Variants in DLG2 observed in about 807,000 individuals in gnomAD.
The protein encoded by DLG2 is discs large MAGUK scaffold protein 2, also known as disks large homolog 2.
In DLG2, 45 loss-of-function variants were observed where a neutral mutation model predicts 132.5. The observed-to-expected ratio is 0.34, with a 90% confidence interval of 0.27 to 0.44. DLG2 has a LOEUF of 0.44. Ranked by LOEUF, DLG2 falls within the 20% of genes least tolerant of loss-of-function variation. The pLI, the probability that DLG2 is intolerant of heterozygous loss-of-function variation, is 1.00. For synonymous variants in DLG2, 424 were observed against 419.6 expected (o/e 1.01, Z -0.13); for missense variants, 1,045 against 1,196.9 (o/e 0.87, Z 1.87).
chr11:84,260,095 T>C (rs1317110910), intron 7 of DLG2, among the ~76,000 whole-genome samples: 1 of 152,118 alleles, frequency 6.6e-6, no homozygotes. Flanking sequence ...TAAATGAATA[T>C]CCTATGAATA....
intron 6 of DLG2, among the ~76,000 whole-genome samples, chr11:85,092,115 T>C (rs1230305102): frequency 6.6e-6 from 1 of 152,226 alleles, no homozygotes; most frequent in East Asian, 1.9e-4. Flanking sequence ...AGAACAGATA[T>C]TGCGTTAGTA....
At chr11:84,240,471 A>T (rs994627038) in intron 8 of DLG2, among the ~76,000 whole-genome samples, 1 of 152,112 alleles carries the variant, frequency 6.6e-6, no homozygotes, top group Non-Finnish European at 1.5e-5. Flanking sequence ...TAATTTTTTT[A>T]GTTATCCAGC....
chr11:84,912,675 T>C (rs2092182916), intron 6 of DLG2, among the ~76,000 whole-genome samples: 1 of 152,240 alleles, frequency 6.6e-6, no homozygotes, highest in Non-Finnish European at 1.5e-5. Context: ...CCAGGCTTTC[T>C]ACCAAACACC....
At chr11:84,183,281 T>C (rs1484422055) in intron 8 of DLG2, among the ~76,000 whole-genome samples, 1 of 152,230 alleles carries the variant, frequency 6.6e-6, no homozygotes, top group Non-Finnish European at 1.5e-5. Context: ...AAGTGAACTA[T>C]ACTGTTAACT....
intron 11 of DLG2, among the ~76,000 whole-genome samples, chr11:84,021,401 A>G (rs1437196708): frequency 6.6e-6 from 1 of 152,154 alleles, no homozygotes; most frequent in Non-Finnish European, 1.5e-5. Flanking sequence ...TCTCCCCAAA[A>G]GTTCATGTTT....
chr11:84,566,171 C>T (rs1466028713), intron 6 of DLG2, among the ~76,000 whole-genome samples: 1 of 151,946 alleles, frequency 6.6e-6, no homozygotes, highest in Non-Finnish European at 1.5e-5. Flanking sequence ...CCATGTTGGC[C>T]AGGCTGGTTT....
At chr11:83,848,391 C>G (rs2059053469) in intron 16 of DLG2, among the ~76,000 whole-genome samples, 1 of 152,144 alleles carries the variant, frequency 6.6e-6, no homozygotes, top group Non-Finnish European at 1.5e-5. Context: ...ATTCATATCT[C>G]TAGCTCAGAT....
chr11:84,069,573 ACT>A (rs1486372750), intron 10 of DLG2, among the ~76,000 whole-genome samples: 1 of 152,022 alleles, frequency 6.6e-6, no homozygotes, highest in Non-Finnish European at 1.5e-5. Flanking sequence ...CTCGTCTCTA[ACT>A]CTGAATGAGA....
chr11:84,354,653 C>T (rs182602706), intron 7 of DLG2, among the ~76,000 whole-genome samples: 2 of 152,188 alleles, frequency 1.3e-5, no homozygotes. Flanking sequence ...ACCTTAGAAC[C>T]ATCTGTCAAA....
chr11:84,783,537 T>C (rs187831198), intron 6 of DLG2, among the ~76,000 whole-genome samples: 162 of 152,312 alleles, frequency 1.1e-3, no homozygotes, highest in African/African-American at 3.8e-3. Flanking sequence ...GTGAGAATCA[T>C]TTCCTTCTCT....
intron 19 of DLG2, among the ~76,000 whole-genome samples, chr11:83,590,125 C>T (rs1243648870): frequency 2.8e-5 from 4 of 143,968 alleles, no homozygotes; most frequent in Admixed American, 1.4e-4. Flanking sequence ...GAACTCAGCT[C>T]TGCACCAAGC....
chr11:84,829,540 A>G (rs984684465), intron 6 of DLG2, among the ~76,000 whole-genome samples: 1 of 151,740 alleles, frequency 6.6e-6, no homozygotes, highest in African/African-American at 2.4e-5. Context: ...AGCGTAGTAA[A>G]GTGGAAAGAC....
At chr11:83,852,559 A>T (rs1410477817) in intron 16 of DLG2, among the ~76,000 whole-genome samples, 1 of 152,238 alleles carries the variant, frequency 6.6e-6, no homozygotes, top group East Asian at 1.9e-4. Context: ...ACTGAAATTC[A>T]TTTTCAAAGA....
At chr11:84,665,281 A>G (rs2099698701) in intron 6 of DLG2, among the ~76,000 whole-genome samples, 1 of 152,156 alleles carries the variant, frequency 6.6e-6, no homozygotes, top group Non-Finnish European at 1.5e-5. Context: ...AGTGCTATAT[A>G]TGTGTTAAAT....
At chr11:84,935,346 C>G (rs2048616816) in intron 6 of DLG2, among the ~76,000 whole-genome samples, 1 of 152,174 alleles carries the variant, frequency 6.6e-6, no homozygotes. Flanking sequence ...CTGTTCCTCA[C>G]AAGTTTGCTA....
intron 6 of DLG2, among the ~76,000 whole-genome samples, chr11:84,983,532 A>C (rs532812715): frequency 1.4e-4 from 22 of 152,254 alleles, no homozygotes; most frequent in African/African-American, 5.3e-4. Flanking sequence ...GACAGAGCCT[A>C]CCTAAATTGA....
Position 84,950,235 on chromosome 11 carries a change from T to A in DLG2, c.357+161426A>T, listed in dbSNP as rs548654836. On this transcript the variant is annotated intron_variant, in intron 6 of 27. Coordinates refer to ENST00000376104, the MANE Select transcript of DLG2 (RefSeq NM_001142699.3). ...AGAATATTCCTGATTTCTGGTAGAT[T>A]TCATACTGCTTTTTCAATGTTCTAA... Among the ~76,000 whole-genome samples the A allele has an allele frequency of 5.9e-5, 9 of 152,290 alleles. 2 individuals carry two copies. The South Asian group carries it at 1.9e-3, about 32-fold the overall frequency.
At chr11:84,343,407 A>G (rs116125240) in intron 7 of DLG2, among the ~76,000 whole-genome samples, 1,597 of 152,308 alleles carry the variant, frequency 0.01, 24 homozygotes, top group African/African-American at 0.036. Context: ...TGTTTTCATC[A>G]AAGCAAGTCA....
intron 4 of DLG2, among the ~76,000 whole-genome samples, chr11:85,160,320 A>G (rs1236373044): frequency 6.6e-6 from 1 of 152,198 alleles, no homozygotes; most frequent in African/African-American, 2.4e-5. Flanking sequence ...AGCAGATCCA[A>G]TGGTGCTTGA....
Sources: allele counts gnomAD v4.1 joint callset (sites outside exome capture counted in the v4.1 genomes callset), GRCh38; gene constraint gnomAD v4.1.1; transcripts MANE v1.5; gene names NCBI Gene and HGNC (gene_info 2026-07-23, HGNC 2026-07-21).